ADGRE3: variants seen among roughly 807,000 people sequenced by gnomAD.
ADGRE3 encodes the protein adhesion G protein-coupled receptor E3.
A neutral mutation model predicts 80.1 loss-of-function variants in ADGRE3; 88 were observed. The observed-to-expected ratio is 1.10, with a 90% CI of 0.93 to 1.31. ADGRE3 has a LOEUF of 1.31. ADGRE3 is among the 40% of genes most tolerant of loss of function. The probability of loss-of-function intolerance (pLI) is 0.00; values close to 1 mark genes in which losing one functional copy is unlikely to be tolerated. For missense variants in ADGRE3, 715 were observed against 776.5 expected, an observed-to-expected ratio of 0.92 and a Z score of 0.94; for synonymous variants, 281 against 294.8, an observed-to-expected ratio of 0.95 and a Z score of 0.48.
chr19:14,641,318 C>T (rs1431862121), intron 10 of ADGRE3, 101 bp downstream of exon 10: 22 of 1,440,514 alleles, frequency 1.5e-5, no homozygotes, highest in Non-Finnish European at 2.1e-5. Context: ...TTCTCCTCTA[C>T]AGACCCAAGG....
At chr19:14,641,377 A>T (rs1971241772) in intron 10 of ADGRE3, 42 bp downstream of exon 10, 1 of 1,610,624 alleles carries the variant, frequency 6.2e-7, no homozygotes, top group Admixed American at 1.7e-5. Flanking sequence ...AGCTCAGTGT[A>T]CCTTGGGGCA....
intron 7 of ADGRE3, among the ~76,000 whole-genome samples, chr19:14,650,385 C>T (rs1971557080): frequency 6.8e-6 from 1 of 148,096 alleles, no homozygotes; most frequent in African/African-American, 2.5e-5. Flanking sequence ...CATCTCTCTC[C>T]CCTTCTCTCT....
intron 7 of ADGRE3, among the ~76,000 whole-genome samples, chr19:14,648,859 T>C (rs1378961397): frequency 6.6e-6 from 1 of 152,132 alleles, no homozygotes; most frequent in Non-Finnish European, 1.5e-5. Flanking sequence ...ATTTTGGACA[T>C]GTCGGCCTTC....
At chr19:14,623,460 G>A (rs1970650166) in intron 15 of ADGRE3, among the ~76,000 whole-genome samples, 1 of 152,140 alleles carries the variant, frequency 6.6e-6, no homozygotes. Context: ...ATGTCACATA[G>A]TGCAGAAAGC....
At chr19:14,648,008 A>G (rs1190433053) in intron 7 of ADGRE3, among the ~76,000 whole-genome samples, 2 of 149,524 alleles carry the variant, frequency 1.3e-5, no homozygotes, top group Admixed American at 6.8e-5. Flanking sequence ...CTTGAACCCA[A>G]GAGGCGGAGG....
Position 14,620,561 on chromosome 19 carries a change from T to C in ADGRE3, c.1921-1090A>G, listed in dbSNP as rs1247460767. ...TTTATATATATATTATATATATATA[T>C]ATATATATTTTTTTTTTTTTTTTTT... On this transcript the variant is annotated intron_variant, in intron 15 of 15. Coordinates refer to ENST00000253673, the MANE Select transcript of ADGRE3 (RefSeq NM_032571.5). 3.3e-4 allele frequency among the ~76,000 whole-genome samples: 13 copies of C among 39,240 alleles called. 2 individuals carry two copies. The highest frequency in any genetic ancestry group is 7.7e-4 in the Admixed American group (2 of 2,582). The allele number at this position is 39,240 out of a possible 152,430, so 25.7% of individuals were successfully genotyped here. A position where few individuals can be genotyped will look rare whatever the true frequency, so the allele number is the denominator to read the frequency against.
intron 1 of ADGRE3, among the ~76,000 whole-genome samples, chr19:14,670,720 T>G (rs1167628014): frequency 6.6e-6 from 1 of 152,230 alleles, no homozygotes; most frequent in East Asian, 1.9e-4. Flanking sequence ...GAAAGTGCTA[T>G]TAGCATCATC....
the ADGRE3 span, among the ~76,000 whole-genome samples, chr19:14,609,652 A>T: frequency 6.6e-6 from 1 of 151,842 alleles, no homozygotes; most frequent in African/African-American, 2.4e-5. Flanking sequence ...AGCCTGGCCA[A>T]CATGGTGAAA....
At chr19:14,620,588 T>A (rs1487785373) in intron 15 of ADGRE3, among the ~76,000 whole-genome samples, 4 of 50,308 alleles carry the variant, frequency 8.0e-5, no homozygotes, top group Non-Finnish European at 1.5e-4. Context: ...TTTTTTTTTT[T>A]TTTTTTTTTG....
chr19:14,647,800 C>A (rs112687359), intron 7 of ADGRE3, among the ~76,000 whole-genome samples: 14,620 of 151,420 alleles, frequency 0.097, 736 homozygotes, highest in Middle Eastern at 0.19. Flanking sequence ...AGTGCTGGCA[C>A]CGGGCATGGT....
At chr19:14,644,055 T>A in intron 9 of ADGRE3, 53 bp downstream of exon 9, 1 of 1,182,424 alleles carries the variant, frequency 8.5e-7, no homozygotes, top group Non-Finnish European at 1.1e-6. Context: ...TTATTACCAC[T>A]TAGTAGGGGC....
intron 9 of ADGRE3, 144 bp from the exon 10 acceptor site, chr19:14,641,760 A>G: frequency 2.1e-6 from 2 of 971,814 alleles, no homozygotes; most frequent in Non-Finnish European, 3.1e-6. Flanking sequence ...TTGCTAATGT[A>G]GACTGCTAAT....
chr19:14,621,847 T>A, intron 15 of ADGRE3: 1 of 1,049,190 alleles, frequency 9.5e-7, no homozygotes, highest in Non-Finnish European at 1.3e-6. Flanking sequence ...GAATGATGTC[T>A]GGACCAGTGG....
At chr19:14,632,550 T>C (rs975674643) in intron 13 of ADGRE3, among the ~76,000 whole-genome samples, 2 of 152,118 alleles carry the variant, frequency 1.3e-5, no homozygotes, top group African/African-American at 2.4e-5. Context: ...CTCCTTCCCA[T>C]GGATGGGATA....
chr19:14,665,213 G>A (rs973297664), intron 2 of ADGRE3, among the ~76,000 whole-genome samples: 4 of 151,626 alleles, frequency 2.6e-5, no homozygotes, highest in Non-Finnish European at 5.9e-5. Context: ...AGAGGTGCCC[G>A]CCACCACGCC....
At chr19:14,611,911 C>T in the ADGRE3 span, among the ~76,000 whole-genome samples, 8 of 152,150 alleles carry the variant, frequency 5.3e-5, no homozygotes, top group Admixed American at 6.5e-5. Flanking sequence ...GACTAAGGCA[C>T]GAGAATTGCT....
intron 6 of ADGRE3, 44 bp from the exon 7 acceptor site, chr19:14,651,248 A>G (rs1320179154): frequency 1.2e-6 from 2 of 1,611,418 alleles, no homozygotes; most frequent in Non-Finnish European, 1.7e-6. Context: ...ATTGTAAGAA[A>G]CTTTAAAAAT....
At chr19:14,659,602 T>C (rs943704227) in intron 4 of ADGRE3, among the ~76,000 whole-genome samples, 1 of 151,494 alleles carries the variant, frequency 6.6e-6, no homozygotes, top group Non-Finnish European at 1.5e-5. Context: ...AGGAGGATCA[T>C]ATGAGCCTAG....
the ADGRE3 span, chr19:14,611,303 G>C: frequency 6.6e-6 from 1 of 150,902 alleles, no homozygotes; most frequent in African/African-American, 2.4e-5. Context: ...TGTCTTGGGT[G>C]AGGTTTGCAC....
Sources: allele counts gnomAD v4.1 joint callset (sites outside exome capture counted in the v4.1 genomes callset), GRCh38; gene constraint gnomAD v4.1.1; transcripts MANE v1.5; gene names NCBI Gene and HGNC (gene_info 2026-07-23, HGNC 2026-07-21).